The following MAFF variants were observed in gnomAD, a reference collection of about 807,000 sequenced individuals.
MAFF encodes MAF bZIP transcription factor F.
A neutral mutation model predicts 2.7 loss-of-function variants in MAFF; 4 were observed. That is an observed-to-expected ratio of 1.48 (90% CI 0.73 to 3.39). MAFF has a LOEUF of 3.39. Among genes scored for constraint, MAFF ranks in the 30% most tolerant of loss-of-function variants. The pLI, the probability that MAFF is intolerant of heterozygous loss-of-function variation, is 0.01. For missense variants in MAFF, 190 were observed against 246.6 expected, an observed-to-expected ratio of 0.77 and a Z score of 1.54; for synonymous variants, 113 against 119.4, an observed-to-expected ratio of 0.95 and a Z score of 0.35.
At chr22:38,211,701 CA>C (rs952325538) in intron 1 of MAFF, among the ~76,000 whole-genome samples, 2 of 152,170 alleles carry the variant, frequency 1.3e-5, no homozygotes, top group African/African-American at 4.8e-5. Context: ...CAGAACCACA[CA>C]ACTAGAGAGC....
intron 1 of MAFF, among the ~76,000 whole-genome samples, chr22:38,211,858 C>T (rs572326407): frequency 6.6e-6 from 1 of 152,358 alleles, no homozygotes; most frequent in South Asian, 2.1e-4. Flanking sequence ...CTGTAGACAG[C>T]TCAAGGAACC....
In MAFF at chr22:38,214,003, C is replaced by G. The variant is rs1374661035; in HGVS notation, c.36+114C>G. On this transcript the variant is annotated intron_variant, in intron 2 of 2. Coordinates refer to ENST00000338483, the MANE Select transcript of MAFF (RefSeq NM_012323.4). The surrounding 1 kb of genome is among the most constrained non-coding windows in gnomAD (Gnocchi z 6.3). ...AATCCCCTGGGTGGCTCAGCAGGCA[C>G]CAGGCCTTCATGATGCCAAAGGGAA... is the stretch of plus-strand genomic sequence containing the variant. 2 of 1,147,422 alleles carry G rather than the reference C, an allele frequency of 1.7e-6. No homozygotes were observed. Among genetic ancestry groups the G allele is most frequent in the Non-Finnish European group, 2.6e-6 (2 of 778,886 alleles). The allele number at this position is 1,147,422 out of a possible 1,614,324, so 71.1% of individuals were successfully genotyped here.
At chr22:38,207,789 TC>T (rs1315420998) in intron 1 of MAFF, among the ~76,000 whole-genome samples, 1 of 151,812 alleles carries the variant, frequency 6.6e-6, no homozygotes, top group Non-Finnish European at 1.5e-5. Flanking sequence ...GGAGATGGAG[TC>T]TAGCCATCTT....
At chr22:38,207,507 C>A (rs1276534701) in intron 1 of MAFF, among the ~76,000 whole-genome samples, 1 of 136,590 alleles carries the variant, frequency 7.3e-6, no homozygotes, top group African/African-American at 2.7e-5. Flanking sequence ...GTGGCGCGAT[C>A]TCAGCTCACT....
intron 1 of MAFF, among the ~76,000 whole-genome samples, chr22:38,208,776 G>C (rs987215567): frequency 6.6e-6 from 1 of 152,174 alleles, no homozygotes; most frequent in Non-Finnish European, 1.5e-5. Context: ...CCTGGAGGAG[G>C]AGATGTCTGC....
At position 38,215,217 on chromosome 22, in the gene MAFF, C is replaced by A; in HGVS notation, c.*339C>A. ...AGGGCACCCCTCATCTTGGAAACTG[C>A]TCTTATTGTGCCAATATGCCCTCCA... On this transcript the variant is annotated 3_prime_UTR_variant, in exon 3 of 3. Transcript: ENST00000338483. 3.7e-6 allele frequency: 1 copy of A among 267,102 alleles called. No individual in the cohort carries two copies. Among genetic ancestry groups the A allele is most frequent in the South Asian group, 6.6e-5 (1 of 15,046 alleles). 16.5% of individuals were successfully genotyped at this position (267,102 alleles called of 1,614,324 possible). A position where few individuals can be genotyped will look rare whatever the true frequency, so the allele number is the denominator to read the frequency against.
rs890155031 is a variant in MAFF, at chr22:38,214,051, C to A, written c.36+162C>A. Among the ~76,000 whole-genome samples, 2 of 152,242 alleles carry A rather than the reference C, an allele frequency of 1.3e-5. No individual in the cohort carries two copies. The highest frequency in any genetic ancestry group is 2.9e-5 in the Non-Finnish European group (2 of 68,054). On this transcript the variant is annotated intron_variant, in intron 2 of 2. Coordinates refer to ENST00000338483, the MANE Select transcript of MAFF (RefSeq NM_012323.4). This position sits in a 1 kb window ranked among gnomAD's most constrained non-coding sequence, Gnocchi z 6.3. ...GAAGGGCCACAGCCATGGGCTGGGA[C>A]CAGGAGGCCTGGGCTCTGGTCACAG...
intron 1 of MAFF, among the ~76,000 whole-genome samples, chr22:38,207,359 G>C (rs1405616036): frequency 6.8e-6 from 1 of 147,104 alleles, no homozygotes; most frequent in East Asian, 2.0e-4. Flanking sequence ...CTGACCTCAT[G>C]ATCCGCCCAC....
rs1569001260 is a variant in MAFF, at chr22:38,215,784, T to G, written c.*906T>G. The G allele has an allele frequency of 6.0e-6, 1 of 167,038 alleles. No homozygotes were observed. Among genetic ancestry groups the G allele is most frequent in the Non-Finnish European group, 1.5e-5 (1 of 68,102 alleles). 10.3% of individuals were successfully genotyped at this position (167,038 alleles called of 1,614,324 possible). The stretch of plus-strand genomic sequence containing the variant: ...CCTACTACAGTCTGGAGTGGGGTCC[T>G]AAGAAGAAGGGTCCCACCTCAACCC... On this transcript the variant is annotated 3_prime_UTR_variant, in exon 3 of 3. Coordinates refer to ENST00000338483, the MANE Select transcript of MAFF (RefSeq NM_012323.4).
intron 1 of MAFF, among the ~76,000 whole-genome samples, chr22:38,212,846 G>T (rs2091111363): frequency 6.6e-6 from 1 of 152,044 alleles, no homozygotes; most frequent in Non-Finnish European, 1.5e-5. Flanking sequence ...GTACTTTTCT[G>T]TATGTAGGTT....
intron 1 of MAFF, chr22:38,203,848 C>T (rs1312814443): frequency 6.6e-6 from 1 of 152,218 alleles, no homozygotes; most frequent in Non-Finnish European, 1.5e-5. Flanking sequence ...CTCTGGAAGT[C>T]TGTGCAGACA....
chr22:38,211,699 C>T (rs115620719), intron 1 of MAFF, among the ~76,000 whole-genome samples: 3,652 of 152,244 alleles, frequency 0.024, 121 homozygotes, highest in East Asian at 0.16. Context: ...ATCAGAACCA[C>T]ACAACTAGAG....
rs1266774415 is a variant in MAFF, at chr22:38,214,731, C to G, written c.348C>G (p.Gly116=). 4 of 1,443,954 alleles carry G rather than the reference C, an allele frequency of 2.8e-6. No homozygotes were observed. The highest frequency in any genetic ancestry group is 3.6e-6 in the Non-Finnish European group (4 of 1,108,024). 89.4% of individuals were successfully genotyped at this position (1,443,954 alleles called of 1,614,324 possible). A position where few individuals can be genotyped will look rare whatever the true frequency, so the allele number is the denominator to read the frequency against. Residue 116 remains glycine, a synonymous_variant, in exon 3 of 3, where the codon GGC becomes GGG. Coordinates refer to ENST00000338483, the MANE Select transcript of MAFF (RefSeq NM_012323.4). This position sits in a 1 kb window ranked among gnomAD's most constrained non-coding sequence, Gnocchi z 6.3. ...ALRGKCEALQ[G]FARSVAAARG... ...GCGGCAAGTGCGAGGCGCTGCAGGG[C>G]TTCGCGCGCTCCGTGGCCGCCGCCC...
At chr22:38,213,796 G>A (rs377490346) in intron 1 of MAFF, 27 bp from the exon 2 acceptor site, 47 of 1,553,184 alleles carry the variant, frequency 3.0e-5, no homozygotes, top group African/African-American at 4.1e-5. Flanking sequence ...AAACAAAACA[G>A]TGACTTTGAC....
At position 38,202,060 on chromosome 22, in the gene MAFF, A is replaced by C. The variant is rs1222996534; in HGVS notation, c.-184A>C. On this transcript the variant is annotated 5_prime_UTR_variant, in exon 1 of 3. Coordinates refer to ENST00000338483, the MANE Select transcript of MAFF (RefSeq NM_012323.4). The surrounding 1 kb of genome is among the most constrained non-coding windows in gnomAD (Gnocchi z 7.4). ...CCCCTGCGCCGCCCGCCCCACAACA[A>C]AACTCAGCGCAGCGCTCCCGGGCGC... 1 of 152,348 alleles carries C rather than the reference A, an allele frequency of 6.6e-6. No homozygotes were observed. The highest frequency in any genetic ancestry group is 1.5e-5 in the Non-Finnish European group (1 of 68,166). The allele number at this position is 152,348 out of a possible 1,614,324, so 9.4% of individuals were successfully genotyped here. A position where few individuals can be genotyped will look rare whatever the true frequency, so the allele number is the denominator to read the frequency against.
At chr22:38,209,763 G>A (rs975569265) in intron 1 of MAFF, among the ~76,000 whole-genome samples, 3 of 134,490 alleles carry the variant, frequency 2.2e-5, no homozygotes, top group Non-Finnish European at 4.5e-5. Flanking sequence ...GCAGTGAGCT[G>A]AGATCCTGTC....
intron 1 of MAFF, chr22:38,203,860 CGTATTTTCCAGGT>C (rs2091033050): frequency 6.6e-6 from 1 of 152,240 alleles, no homozygotes; most frequent in Admixed American, 6.5e-5. Context: ...GTGCAGACAG[CGTATTTTCCAGGT>C]GAATTGTGGA....
chr22:38,209,665 T>C (rs2091081972), intron 1 of MAFF, among the ~76,000 whole-genome samples: 1 of 151,484 alleles, frequency 6.6e-6, no homozygotes, highest in African/African-American at 2.4e-5. Context: ...ATACAAAAAT[T>C]AGCTGGGCGT....
At position 38,214,892 on chromosome 22, in the gene MAFF, C is replaced by T. The variant is rs1230679462; in HGVS notation, c.*14C>T. On this transcript the variant is annotated 3_prime_UTR_variant, in exon 3 of 3. Transcript: ENST00000338483. This position sits in a 1 kb window ranked among gnomAD's most constrained non-coding sequence, Gnocchi z 6.3. ...TCCTGCTCCTAGTGCCCGCCCCCGC[C>T]ATGCCTCAGCCACGCCCCTCCGGCC... The T allele has an allele frequency of 6.6e-7, 1 of 1,513,604 alleles. No individual in the cohort carries two copies. Among genetic ancestry groups the T allele is most frequent in the Admixed American group, 2.1e-5 (1 of 48,422 alleles). The allele number at this position is 1,513,604 out of a possible 1,614,324, so 93.8% of individuals were successfully genotyped here. A position where few individuals can be genotyped will look rare whatever the true frequency, so the allele number is the denominator to read the frequency against.
Sources: allele counts gnomAD v4.1 joint callset (sites outside exome capture counted in the v4.1 genomes callset), GRCh38; gene constraint gnomAD v4.1.1; non-coding constraint Gnocchi (gnomAD v3.1); transcripts MANE v1.5; gene names NCBI Gene and HGNC (gene_info 2026-07-23, HGNC 2026-07-21).